The following CNTNAP4 variants were observed in gnomAD, a reference collection of about 807,000 sequenced individuals.
CNTNAP4 encodes the protein contactin associated protein family member 4, also known as contactin-associated protein-like 4.
Under a neutral mutation model 148.4 loss-of-function variants are expected in CNTNAP4, and 98 were observed. The observed-to-expected ratio is 0.66, with a 90% confidence interval of 0.56 to 0.78. CNTNAP4 has a LOEUF of 0.78. Ranked by LOEUF, CNTNAP4 falls within the 30% of genes least tolerant of loss-of-function variation. The pLI, the probability that CNTNAP4 is intolerant of heterozygous loss-of-function variation, is 0.00. For missense variants in CNTNAP4, 1,935 were observed against 1,565.6 expected (o/e 1.24, Z -3.98); for synonymous variants, 730 against 565.1 (o/e 1.29, Z -4.14).
rs934466152 is a variant in CNTNAP4 at position 76,448,844 on chromosome 16, T to A, written c.820T>A (p.Ser274Thr). Reference protein sequence around the residue: ...GSLLDDQHWHSVLIQRLGKQV... With the variant: ...GSLLDDQHWHTVLIQRLGKQV... ...CCTGCTAGATGATCAGCATTGGCATTCAGTGCTCATCCAGCGTTTGGGCAA... is the reference window on the plus strand; with the variant it reads ...CCTGCTAGATGATCAGCATTGGCATACAGTGCTCATCCAGCGTTTGGGCAA... The change falls in exon 6 of 24, where the codon TCA (serine) becomes ACA (threonine). Residue 274 changes from serine to threonine, a missense_variant. Ser to Thr is a moderately conservative substitution (Grantham distance 58, BLOSUM62 1). Transcript: ENST00000611870. 2 of 1,613,068 alleles carry A rather than the reference T, an allele frequency of 1.2e-6. No homozygotes were observed. The highest frequency in any genetic ancestry group is 2.7e-5 in the African/African-American group (2 of 74,900).
At position 76,508,537 on chromosome 16, in the gene CNTNAP4, T is replaced by G. The variant is rs1452132388; in HGVS notation, c.2365+9843T>G. On this transcript the variant is annotated intron_variant, in intron 15 of 23. Transcript: ENST00000611870. ...TTTATGGTCTATTTTGCTTTTTTTTTTTGTTCACTTTTTTATTACCAACCA... is the reference window on the plus strand; with the variant it reads ...TTTATGGTCTATTTTGCTTTTTTTTGTTGTTCACTTTTTTATTACCAACCA... 8.4e-5 allele frequency among the ~76,000 whole-genome samples: 8 copies of G among 95,472 alleles called. 4 individuals are homozygous for G. Among genetic ancestry groups the G allele is most frequent in the Non-Finnish European group, 2.4e-4 (8 of 33,904 alleles). The allele number at this position is 95,472 out of a possible 152,430, so 62.6% of individuals were successfully genotyped here.
At position 76,452,762 on chromosome 16, in the gene CNTNAP4, C is replaced by T; in HGVS notation, c.1326C>T (p.Ile442=). 1 of 1,578,444 alleles carries T rather than the reference C, an allele frequency of 6.3e-7. No individual in the cohort carries two copies. Among genetic ancestry groups the T allele is most frequent in the East Asian group, 2.3e-5 (1 of 44,394 alleles). The change falls in exon 8 of 24, where the codon ATC becomes ATT. Residue 442 remains isoleucine (I), a synonymous_variant. Transcript: ENST00000611870. ...LYQPGKLPSD[I]TAGVELNDGQ... ...AGCCAGGAAAATTACCCAGTGACAT[C>T]ACAGCAGGTAATAAATGTATTCCCT...
At chr16:76,462,958 T>C (rs2081039054) in intron 9 of CNTNAP4, among the ~76,000 whole-genome samples, 1 of 152,198 alleles carries the variant, frequency 6.6e-6, no homozygotes, top group Non-Finnish European at 1.5e-5. Flanking sequence ...AAAATACAAA[T>C]TATTTTCTAA....
intron 3 of CNTNAP4, among the ~76,000 whole-genome samples, chr16:76,402,966 T>A (rs550085847): frequency 6.6e-6 from 1 of 152,284 alleles, no homozygotes; most frequent in Admixed American, 6.5e-5. Context: ...AATTAAGCAA[T>A]CAATTTTAGA....
chr16:76,308,779 T>TG (rs1268039439), intron 1 of CNTNAP4, among the ~76,000 whole-genome samples: 11 of 152,180 alleles, frequency 7.2e-5, no homozygotes, highest in African/African-American at 2.4e-4. Context: ...ACTACAGAGA[T>TG]GCGACAACCC....
At chr16:76,418,522 T>A (rs1275594078) in intron 3 of CNTNAP4, among the ~76,000 whole-genome samples, 1 of 151,666 alleles carries the variant, frequency 6.6e-6, no homozygotes, top group Non-Finnish European at 1.5e-5. Context: ...TTCCAGCATT[T>A]TTAATTTGTA....
At chr16:76,304,863 C>T (rs1184760620) in intron 1 of CNTNAP4, among the ~76,000 whole-genome samples, 1 of 152,166 alleles carries the variant, frequency 6.6e-6, no homozygotes, top group Non-Finnish European at 1.5e-5. Context: ...TAAAATCATT[C>T]AGTTTGTAAC....
intron 10 of CNTNAP4, among the ~76,000 whole-genome samples, chr16:76,470,482 A>AATATATATATATATATATACAT: frequency 1.0e-5 from 1 of 96,998 alleles, no homozygotes; most frequent in South Asian, 4.2e-4. Context: ...CTCTACTAAT[A>AATATATATATATATATATACAT]ATATATATAT....
At chr16:76,443,653 T>C (rs1468612299) in intron 4 of CNTNAP4, among the ~76,000 whole-genome samples, 1 of 152,178 alleles carries the variant, frequency 6.6e-6, no homozygotes, top group Non-Finnish European at 1.5e-5. Context: ...TGACTGTTAA[T>C]TTAAATATTA....
chr16:76,479,738 A>G (rs2081743945), intron 12 of CNTNAP4, among the ~76,000 whole-genome samples, 200 bp downstream of exon 12: 1 of 152,152 alleles, frequency 6.6e-6, no homozygotes, highest in Non-Finnish European at 1.5e-5. Context: ...TGCATGTGGC[A>G]TCTGTGTAAA....
At chr16:76,351,731 C>T (rs1240159182) in intron 2 of CNTNAP4, among the ~76,000 whole-genome samples, 1 of 152,212 alleles carries the variant, frequency 6.6e-6, no homozygotes, top group Non-Finnish European at 1.5e-5. Context: ...GTGAATGTTT[C>T]AAGTTGGCTG....
chr16:76,402,210 T>G (rs1286436087), intron 3 of CNTNAP4, among the ~76,000 whole-genome samples: 1 of 152,112 alleles, frequency 6.6e-6, no homozygotes. Flanking sequence ...GATTCAATTT[T>G]GGAGCTCATT....
intron 13 of CNTNAP4, among the ~76,000 whole-genome samples, chr16:76,490,990 A>G (rs1422040363): frequency 1.3e-5 from 2 of 152,228 alleles, no homozygotes; most frequent in Non-Finnish European, 2.9e-5. Context: ...GAAATAGCAT[A>G]TGTCATAAAG....
intron 2 of CNTNAP4, among the ~76,000 whole-genome samples, chr16:76,348,188 CTTT>C (rs751099156): frequency 2.9e-5 from 4 of 136,244 alleles, no homozygotes; most frequent in African/African-American, 2.7e-5. Context: ...AAGCGTGACT[CTTT>C]TTTTTTTTTT....
intron 3 of CNTNAP4, among the ~76,000 whole-genome samples, chr16:76,378,868 C>T (rs927598809): frequency 2.1e-4 from 32 of 152,120 alleles, no homozygotes; most frequent in African/African-American, 5.8e-4. Flanking sequence ...TTCAGGTTTG[C>T]GGAACAGGAG....
intron 12 of CNTNAP4, 23 bp downstream of exon 12, chr16:76,479,561 T>C: frequency 6.3e-7 from 1 of 1,595,692 alleles, no homozygotes; most frequent in Non-Finnish European, 8.5e-7. Flanking sequence ...GCTTTTATTT[T>C]ACAGTTAAAT....
intron 12 of CNTNAP4, among the ~76,000 whole-genome samples, chr16:76,483,736 A>T (rs1341278775): frequency 6.6e-6 from 1 of 152,190 alleles, no homozygotes; most frequent in East Asian, 1.9e-4. Context: ...TGAGAGCTGA[A>T]ACAGGAAAAC....
At chr16:76,530,671 C>T (rs1033030502) in intron 17 of CNTNAP4, among the ~76,000 whole-genome samples, 2 of 152,176 alleles carry the variant, frequency 1.3e-5, no homozygotes, top group Non-Finnish European at 2.9e-5. Flanking sequence ...GAATTTTCTT[C>T]CCATGACACT....
chr16:76,488,615 AT>A (rs1334058260), intron 12 of CNTNAP4, among the ~76,000 whole-genome samples: 3 of 152,152 alleles, frequency 2.0e-5, no homozygotes, highest in African/African-American at 7.2e-5. Flanking sequence ...TTTTTCTCCA[AT>A]TTGGGATATT....
Sources: allele counts gnomAD v4.1 joint callset (sites outside exome capture counted in the v4.1 genomes callset), GRCh38; gene constraint gnomAD v4.1.1; transcripts MANE v1.5; gene names NCBI Gene and HGNC (gene_info 2026-07-23, HGNC 2026-07-21).